Variants in DIP2B observed in about 807,000 individuals in gnomAD.
The protein encoded by DIP2B is DIP2 acetate--CoA ligase B (putative).
A neutral mutation model predicts 198.0 loss-of-function variants in DIP2B; 76 were observed. The ratio of observed to expected loss-of-function variants is 0.38; its 90% CI spans 0.32 to 0.46. DIP2B has a LOEUF of 0.46. Among genes scored for constraint, DIP2B ranks in the 20% least tolerant of loss-of-function variants. The probability of loss-of-function intolerance (pLI) is 0.99; values close to 1 mark genes in which losing one functional copy is unlikely to be tolerated. For synonymous variants in DIP2B, 701 were observed against 739.1 expected, an observed-to-expected ratio of 0.95 and a Z score of 0.84; for missense variants, 1,559 against 1,978.4, an observed-to-expected ratio of 0.79 and a Z score of 4.02.
rs1184343793 is a variant in DIP2B at position 50,587,473 on chromosome 12, G to A, written c.101-38503G>A. Reference sequence around the variant, plus strand: ...TTACTAAAGGTTACATGACGGGGAGGGATCATTTTTCATTAGGCAGCTTGT... The same window carrying A: ...TTACTAAAGGTTACATGACGGGGAGAGATCATTTTTCATTAGGCAGCTTGT... On this transcript the variant is annotated intron_variant, in intron 1 of 37. Coordinates refer to ENST00000301180, the MANE Select transcript of DIP2B (RefSeq NM_173602.3). Among the ~76,000 whole-genome samples the A allele has an allele frequency of 2.6e-5, 4 of 152,256 alleles. No individual in the cohort carries two copies. In the East Asian group the frequency reaches 7.7e-4, roughly 29 times the overall value.
At chr12:50,652,425 T>C (rs1335466506) in intron 3 of DIP2B, among the ~76,000 whole-genome samples, 3 of 150,928 alleles carry the variant, frequency 2.0e-5, no homozygotes, top group Non-Finnish European at 4.4e-5. Context: ...TAGTCCCAGC[T>C]ACTTGGGAGG....
intron 1 of DIP2B, among the ~76,000 whole-genome samples, chr12:50,592,460 AC>A (rs1471222758): frequency 1.3e-5 from 2 of 151,612 alleles, no homozygotes; most frequent in Non-Finnish European, 2.9e-5. Flanking sequence ...CCGGGCCTTA[AC>A]TTTTAGATTA....
At chr12:50,700,922 C>T (rs1939406093) in intron 19 of DIP2B, among the ~76,000 whole-genome samples, 1 of 152,200 alleles carries the variant, frequency 6.6e-6, no homozygotes, top group Non-Finnish European at 1.5e-5. Flanking sequence ...TCATAGCTCA[C>T]TGCAGCCTTC....
At chr12:50,687,730 T>C (rs957368890) in intron 12 of DIP2B, among the ~76,000 whole-genome samples, 1 of 151,620 alleles carries the variant, frequency 6.6e-6, no homozygotes, top group East Asian at 1.9e-4. Flanking sequence ...CGGGGCCTGT[T>C]GAGGGCTGGG....
chr12:50,655,349 T>C (rs1938536214), intron 3 of DIP2B, among the ~76,000 whole-genome samples: 1 of 152,244 alleles, frequency 6.6e-6, no homozygotes, highest in Admixed American at 6.5e-5. Flanking sequence ...TAAATATGTA[T>C]GTATCTACTA....
chr12:50,530,880 G>A (rs569824958), intron 1 of DIP2B, among the ~76,000 whole-genome samples: 22 of 152,132 alleles, frequency 1.4e-4, no homozygotes, highest in Non-Finnish European at 4.4e-5. Context: ...CAGTTTTACT[G>A]AATTTGAGAG....
intron 4 of DIP2B, among the ~76,000 whole-genome samples, 164 bp from the exon 5 acceptor site, chr12:50,671,022 A>G (rs1565865529): frequency 1.3e-5 from 2 of 152,358 alleles, no homozygotes; most frequent in Middle Eastern, 3.4e-3. Context: ...GCTTTGGTCC[A>G]TAGACTTTTC....
chr12:50,670,272 TCTC>T (rs1281230678), intron 4 of DIP2B, among the ~76,000 whole-genome samples: 2 of 151,896 alleles, frequency 1.3e-5, no homozygotes, highest in Non-Finnish European at 2.9e-5. Flanking sequence ...TGCTGTGCCT[TCTC>T]CTGTCATGCT....
intron 32 of DIP2B, among the ~76,000 whole-genome samples, chr12:50,733,246 T>C (rs1310792942): frequency 1.2e-5 from 1 of 84,916 alleles, no homozygotes; most frequent in Non-Finnish European, 2.3e-5. Context: ...ATACCATTTT[T>C]TTTCTTTCTT....
intron 36 of DIP2B, 40 bp from the exon 37 acceptor site, chr12:50,741,376 A>ATTTC: frequency 6.2e-7 from 1 of 1,603,704 alleles, no homozygotes; most frequent in Non-Finnish European, 8.5e-7. Flanking sequence ...TGCACTCAGT[A>ATTTC]TATGTCCAAG....
Position 50,674,568 on chromosome 12 carries a change from G to A in DIP2B, c.735G>A (p.Ser245=), listed in dbSNP as rs147555059. 2.7e-5 allele frequency: 44 copies of A among 1,614,070 alleles called. No homozygotes were observed. The African/African-American group carries it at 3.5e-4, about 13-fold the overall frequency. ...IRPANIDLPP[S]GIVKGMHKGS... ...CAGCAAACATTGACCTGCCCCCCTC[G>A]GGGATAGTTAAAGGCATGCACAAAG... The change falls in exon 6 of 38, where the codon TCG becomes TCA. Residue 245 remains serine, a synonymous_variant. Coordinates refer to ENST00000301180, the MANE Select transcript of DIP2B (RefSeq NM_173602.3).
chr12:50,630,925 C>T (rs1254598898), intron 2 of DIP2B, among the ~76,000 whole-genome samples: 2 of 152,090 alleles, frequency 1.3e-5, no homozygotes, highest in African/African-American at 2.4e-5. Flanking sequence ...CCCACCTCGG[C>T]CTCCCAAAGT....
intron 1 of DIP2B, among the ~76,000 whole-genome samples, chr12:50,540,948 G>A (rs1958319662): frequency 6.6e-6 from 1 of 152,130 alleles, no homozygotes; most frequent in Admixed American, 6.6e-5. Flanking sequence ...CAGAATCTCT[G>A]GATAGGACAT....
intron 9 of DIP2B, 28 bp from the exon 10 acceptor site, chr12:50,683,110 T>C (rs549031201): frequency 6.4e-7 from 1 of 1,560,598 alleles, no homozygotes; most frequent in South Asian, 1.2e-5. Context: ...TATTCCTCTG[T>C]TAAACTGAAT....
chr12:50,739,640 C>G lies in DIP2B; in HGVS notation c.4354+54C>G, dbSNP rs1328034069. The G allele has an allele frequency of 7.5e-6, 12 of 1,597,352 alleles. No homozygotes were observed. The East Asian group carries it at 1.1e-4, about 15-fold the overall frequency. On this transcript the variant is annotated intron_variant, in intron 36 of 37. Transcript: ENST00000301180. ...CTGCTTTGTGTTTCTGTAGCACTAGCTGACCTCCTTCAGCCTGCGTTGGAT... is the reference window on the plus strand; with the variant it reads ...CTGCTTTGTGTTTCTGTAGCACTAGGTGACCTCCTTCAGCCTGCGTTGGAT...
intron 23 of DIP2B, 35 bp from the exon 24 acceptor site, chr12:50,718,674 A>G (rs1345237421): frequency 6.3e-7 from 1 of 1,580,056 alleles, no homozygotes. Context: ...TGGAATCGCC[A>G]TCTCCAGTGA....
chr12:50,557,842 A>G (rs1958484397), intron 1 of DIP2B, among the ~76,000 whole-genome samples: 3 of 152,148 alleles, frequency 2.0e-5, no homozygotes, highest in African/African-American at 4.8e-5. Flanking sequence ...TTGTTGAATC[A>G]TTTCTTCCAG....
At position 50,731,400 on chromosome 12, in the gene DIP2B, C is replaced by G. The variant is rs755388116; in HGVS notation, c.3673C>G (p.Pro1225Ala). Residue 1225 changes from proline to alanine, a missense_variant, in exon 31 of 38, where the codon CCT (proline) becomes GCT (alanine). Transcript: ENST00000301180. The stretch of plus-strand genomic sequence containing the variant: ...TTCAGGCCACCAGTCTGTCTTAATT[C>G]CTCCTATGGAGTTAGAGAACAACCT... The part of the protein sequence containing the change: ...VYSGHQSVLI[P>A]PMELENNLFL... 4 of 1,614,084 alleles carry G rather than the reference C, an allele frequency of 2.5e-6. No individual in the cohort carries two copies. Among genetic ancestry groups the G allele is most frequent in the Non-Finnish European group, 3.4e-6 (4 of 1,179,990 alleles).
intron 14 of DIP2B, among the ~76,000 whole-genome samples, chr12:50,695,012 G>A (rs964271045): frequency 9.2e-5 from 14 of 152,054 alleles, no homozygotes; most frequent in African/African-American, 3.1e-4. Context: ...CTATGAAAAT[G>A]CATTGAAAAA....
Sources: gnomAD v4.1 joint callset for allele counts (sites outside exome capture counted in the v4.1 genomes callset) on GRCh38, gnomAD v4.1.1 for gene constraint, MANE v1.5 for transcripts, NCBI Gene and HGNC (gene_info 2026-07-23, HGNC 2026-07-21) for gene names.